Variants in PRRC2C observed in about 807,000 individuals in gnomAD.
PRRC2C encodes the protein proline rich coiled-coil 2C, also known as protein PRRC2C.
PRRC2C carries 72 observed loss-of-function variants against 317.2 expected under a neutral mutation model. That is an observed-to-expected ratio of 0.23 (90% CI 0.19 to 0.28). The LOEUF (loss-of-function observed/expected upper bound fraction) is 0.28, where lower values mean the gene tolerates loss of function less well. Among genes scored for constraint, PRRC2C ranks in the 10% least tolerant of loss-of-function variants. The pLI, the probability that PRRC2C is intolerant of heterozygous loss-of-function variation, is 1.00. For missense variants in PRRC2C, 3,074 were observed against 3,459.7 expected (o/e 0.89, Z 2.80); for synonymous variants, 1,296 against 1,205.9 (o/e 1.07, Z -1.55).
At chr1:171,548,113 G>A (rs572201487) in intron 17 of PRRC2C, among the ~76,000 whole-genome samples, 3 of 151,884 alleles carry the variant, frequency 2.0e-5, no homozygotes, top group East Asian at 3.9e-4. Context: ...CTACAGGCGC[G>A]CACCACTATT....
chr1:171,510,050 C>A (rs1250277703), intron 1 of PRRC2C: 6 of 151,742 alleles, frequency 4.0e-5, no homozygotes, highest in African/African-American at 1.5e-4. Flanking sequence ...CGGGGTTTCA[C>A]CATGTTGGCC....
rs1385700499 is a variant in PRRC2C at position 171,521,112 on chromosome 1, T to G, written c.751-1065T>G. 2.0e-5 allele frequency among the ~76,000 whole-genome samples: 3 copies of G among 152,246 alleles called. No homozygotes were observed. The East Asian group carries it at 5.8e-4, about 29-fold the overall frequency. The stretch of plus-strand genomic sequence containing the variant: ...AGCCACTGCACCTGGCTGAGAAATT[T>G]CTTCTTTAGACAGCATAATCATATA... On this transcript the variant is annotated intron_variant, in intron 6 of 34. Coordinates refer to ENST00000647382, the MANE Select transcript of PRRC2C (RefSeq NM_001387844.1).
intron 9 of PRRC2C, 65 bp from the exon 10 acceptor site, chr1:171,524,756 A>G (rs765107863): frequency 7.0e-6 from 10 of 1,435,292 alleles, no homozygotes; most frequent in Non-Finnish European, 9.2e-6. Flanking sequence ...TTTAATTGCA[A>G]AAATAATGTG....
In PRRC2C at chr1:171,536,064, A is replaced by G. The variant is rs1676776448; in HGVS notation, c.2079A>G (p.Gln693=). Residue 693 remains glutamine (Q), a synonymous_variant, in exon 14 of 35, where the codon CAA becomes CAG. Transcript: ENST00000647382. ...QMKQQQWQQQ[Q]QQGVLPQTVP... is the part of the protein sequence containing the mutation. ...AACAGCAGCAGTGGCAGCAGCAGCAACAGCAAGGTGTACTTCCACAGACTG... is the reference window on the plus strand; with the variant it reads ...AACAGCAGCAGTGGCAGCAGCAGCAGCAGCAAGGTGTACTTCCACAGACTG... The G allele has an allele frequency of 1.9e-6, 3 of 1,552,346 alleles. No homozygotes were observed. Among genetic ancestry groups the G allele is most frequent in the Admixed American group, 3.9e-5 (2 of 51,006 alleles).
At chr1:171,496,058 T>A (rs929708686) in intron 1 of PRRC2C, among the ~76,000 whole-genome samples, 1 of 151,928 alleles carries the variant, frequency 6.6e-6, no homozygotes, top group East Asian at 1.9e-4. Context: ...CTCATCTAAA[T>A]CTAATTACCT....
At position 171,580,300 on chromosome 1, in the gene PRRC2C, A is replaced by G. The variant is rs543452322; in HGVS notation, c.7409+336A>G. Among the ~76,000 whole-genome samples, 16 of 152,310 alleles carry G rather than the reference A, an allele frequency of 1.1e-4. No individual in the cohort carries two copies. The East Asian group carries it at 2.9e-3, about 28-fold the overall frequency. ...AAAACTATAAATCTGAATCTCCTCT[A>G]TGTACGAGCTGAGGCATGGCAGTTA... On this transcript the variant is annotated intron_variant, in intron 28 of 34. Transcript: ENST00000647382.
intron 20 of PRRC2C, among the ~76,000 whole-genome samples, chr1:171,561,666 T>C (rs1682740630): frequency 6.6e-6 from 1 of 152,224 alleles, no homozygotes; most frequent in Non-Finnish European, 1.5e-5. Context: ...ATTTTCAATT[T>C]AGTCTCAAGA....
intron 19 of PRRC2C, among the ~76,000 whole-genome samples, chr1:171,559,453 G>T (rs923791036): frequency 6.7e-6 from 1 of 149,430 alleles, no homozygotes; most frequent in Admixed American, 6.7e-5. Flanking sequence ...CTCTAGAAAT[G>T]GAACAACAAA....
intron 32 of PRRC2C, among the ~76,000 whole-genome samples, chr1:171,587,982 A>AT (rs1484425447): frequency 2.0e-5 from 3 of 151,078 alleles, no homozygotes; most frequent in East Asian, 1.9e-4. Context: ...TTTTTCTTTT[A>AT]TTTTTTTTGA....
chr1:171,521,975 TA>T (rs1170235052), intron 6 of PRRC2C, among the ~76,000 whole-genome samples: 1 of 152,208 alleles, frequency 6.6e-6, no homozygotes, highest in Non-Finnish European at 1.5e-5. Context: ...ATTCTATTTA[TA>T]AAGAGTTGCT....
Position 171,485,566 on chromosome 1 carries a change from C to A in PRRC2C, c.-227C>A, listed in dbSNP as rs536776626. 1 of 152,732 alleles carries A rather than the reference C, an allele frequency of 6.5e-6. No homozygotes were observed. The highest frequency in any genetic ancestry group is 6.5e-5 in the Admixed American group (1 of 15,286). 9.5% of individuals were successfully genotyped at this position (152,732 alleles called of 1,614,324 possible). ...TCTTTTTCTCGCTCGCTCGCTCCCC[C>A]TCGGAAAGCTGCGAAAGTGCTTTGG... On this transcript the variant is annotated 5_prime_UTR_variant, in exon 1 of 35. Coordinates refer to ENST00000647382, the MANE Select transcript of PRRC2C (RefSeq NM_001387844.1).
At position 171,517,668 on chromosome 1, in the gene PRRC2C, C is replaced by G; in HGVS notation, c.604C>G (p.Gln202Glu). The change falls in exon 6 of 35, where the codon CAG becomes GAG. Residue 202 changes from glutamine (Q) to glutamate (E), a missense_variant. Physicochemically the swap from Gln to Glu is conservative, Grantham distance 29. This residue lies in a region of PRRC2C where 237 missense variants were observed against 199.5 expected (regional missense o/e 1.19). Transcript: ENST00000647382. ...TGATCAAGATGAAAAGCTCCCTGGC[C>G]AGGATGAAAGCACAGCTGGAACATC... is the stretch of plus-strand genomic sequence containing the variant. ...SSDQDEKLPG[Q>E]DESTAGTSEQ... The G allele has an allele frequency of 6.2e-7, 1 of 1,613,032 alleles. No homozygotes were observed. The highest frequency in any genetic ancestry group is 8.5e-7 in the Non-Finnish European group (1 of 1,179,756).
intron 1 of PRRC2C, among the ~76,000 whole-genome samples, chr1:171,501,876 G>A (rs1261689030): frequency 1.3e-5 from 2 of 152,194 alleles, no homozygotes; most frequent in African/African-American, 2.4e-5. Context: ...GTTATGCTGA[G>A]TGCATCTGTG....
Position 171,514,611 on chromosome 1 carries a change from A to C in PRRC2C, c.366A>C (p.Ser122=), listed in dbSNP as rs376415865. The C allele has an allele frequency of 6.4e-7, 1 of 1,559,628 alleles. No homozygotes were observed. The highest frequency in any genetic ancestry group is 8.7e-7 in the Non-Finnish European group (1 of 1,151,890). ...APPEVAPAPK[S]WASNKQGGQG... ...CAGAAGTAGCACCTGCTCCCAAATC[A>C]TGGGCCAGTAACAAGCAAGGTGGGC... Residue 122 remains serine, a synonymous_variant, in exon 4 of 35, where the codon TCA becomes TCC. Coordinates refer to ENST00000647382, the MANE Select transcript of PRRC2C (RefSeq NM_001387844.1).
Position 171,557,751 on chromosome 1 carries a change from C to G in PRRC2C, c.5639C>G (p.Pro1880Arg). The G allele has an allele frequency of 6.4e-7, 1 of 1,551,264 alleles. No individual in the cohort carries two copies. The change falls in exon 19 of 35, where the codon CCA becomes CGA. Residue 1880 changes from proline (P) to arginine (R), a missense_variant. Transcript: ENST00000647382. ...TCAACTTCAGCTCCAACGCCAGCCC[C>G]AGCAGCCTCTTCCCCAGCTGCCCCA... ...LASTSAPTPA[P>R]AASSPAAPVI...
intron 1 of PRRC2C, among the ~76,000 whole-genome samples, chr1:171,498,361 G>C (rs1188813423): frequency 6.6e-6 from 1 of 152,114 alleles, no homozygotes; most frequent in Non-Finnish European, 1.5e-5. Flanking sequence ...CTCCAAGATG[G>C]CACCTTGTTC....
rs1685476217 is a variant in PRRC2C, at chr1:171,575,151, C to T, written c.6955+23C>T. The T allele has an allele frequency of 1.9e-6, 3 of 1,571,700 alleles. No homozygotes were observed. In the East Asian group the frequency reaches 6.8e-5, roughly 36 times the overall value. The stretch of plus-strand genomic sequence containing the variant: ...CAGGTAGAACTTTTTCGTTCTGTTT[C>T]TTTAAATATCTTACATTATTTAAAA... On this transcript the variant is annotated intron_variant, in intron 25 of 34. Transcript: ENST00000647382.
chr1:171,590,207 C>T (rs144523627), intron 34 of PRRC2C, among the ~76,000 whole-genome samples: 336 of 152,226 alleles, frequency 2.2e-3, no homozygotes, highest in African/African-American at 7.8e-3. Context: ...TTGTATTCCA[C>T]AGTGGATTGT....
At chr1:171,572,367 A>G (rs1684920627) in intron 24 of PRRC2C, among the ~76,000 whole-genome samples, 1 of 152,140 alleles carries the variant, frequency 6.6e-6, no homozygotes, top group African/African-American at 2.4e-5. Flanking sequence ...AATCTCTAAT[A>G]TAGTAGGGCT....
Sources: gnomAD v4.1 joint callset for allele counts (sites outside exome capture counted in the v4.1 genomes callset) on GRCh38, gnomAD v4.1.1 for gene constraint, gnomAD v4.1.1 regional missense constraint, MANE v1.5 for transcripts, NCBI Gene and HGNC (gene_info 2026-07-23, HGNC 2026-07-21) for gene names.